Variants in CHRM2 observed in about 807,000 individuals in gnomAD.
CHRM2 encodes cholinergic receptor muscarinic 2, also known as muscarinic acetylcholine receptor M2.
A neutral mutation model predicts 25.0 loss-of-function variants in CHRM2; 8 were observed. The ratio of observed to expected loss-of-function variants is 0.32; its 90% CI spans 0.19 to 0.58. CHRM2 has a LOEUF of 0.58. Among genes scored for constraint, CHRM2 ranks in the 20% least tolerant of loss-of-function variants. The probability of loss-of-function intolerance (pLI) is 0.88; values close to 1 mark genes in which losing one functional copy is unlikely to be tolerated. For synonymous variants in CHRM2, 202 were observed against 205.7 expected (o/e 0.98, Z 0.15); for missense variants, 440 against 567.1 (o/e 0.78, Z 2.28).
intron 2 of CHRM2, among the ~76,000 whole-genome samples, chr7:136,964,342 C>A (rs1363961818): frequency 6.6e-6 from 1 of 151,872 alleles, no homozygotes; most frequent in Non-Finnish European, 1.5e-5. Flanking sequence ...TAACTTTTAC[C>A]CTCCTGCAGA....
intron 2 of CHRM2, among the ~76,000 whole-genome samples, chr7:136,874,004 A>G (rs1403941991): frequency 6.6e-6 from 1 of 152,206 alleles, no homozygotes; most frequent in Non-Finnish European, 1.5e-5. Flanking sequence ...GTAATAAAAG[A>G]TAATTTTGAT....
chr7:136,925,502 T>C (rs12536293), intron 2 of CHRM2, among the ~76,000 whole-genome samples: 36,227 of 152,014 alleles, frequency 0.24, 5,683 homozygotes, highest in Non-Finnish European at 0.35. Context: ...TTCTTTCATT[T>C]TGTCCAAAAA....
chr7:136,893,677 T>A (rs1796782471), intron 2 of CHRM2, among the ~76,000 whole-genome samples: 2 of 152,120 alleles, frequency 1.3e-5, no homozygotes, highest in Admixed American at 1.3e-4. Flanking sequence ...TAGAAGAAGG[T>A]GTTGACATTT....
chr7:136,966,984 T>C (rs1310264895), intron 2 of CHRM2, among the ~76,000 whole-genome samples: 1 of 152,022 alleles, frequency 6.6e-6, no homozygotes, highest in Non-Finnish European at 1.5e-5. Context: ...GCAAACTGTT[T>C]ACACTGATCG....
chr7:136,929,267 T>C (rs1798921647), intron 2 of CHRM2, among the ~76,000 whole-genome samples: 1 of 143,248 alleles, frequency 7.0e-6, no homozygotes, highest in Admixed American at 6.7e-5. Context: ...TTTTTTCTTT[T>C]CTTTCTTTTT....
intron 2 of CHRM2, among the ~76,000 whole-genome samples, chr7:136,909,269 T>G (rs1485017840): frequency 2.6e-5 from 4 of 152,092 alleles, no homozygotes; most frequent in Non-Finnish European, 2.9e-5. Context: ...CTCACAATCT[T>G]GTACTCACAG....
At chr7:136,976,055 C>T (rs528374298) in intron 2 of CHRM2, among the ~76,000 whole-genome samples, 1 of 152,128 alleles carries the variant, frequency 6.6e-6, no homozygotes, top group East Asian at 1.9e-4. Context: ...ATAACTAGAT[C>T]TTGAAGAATG....
rs548097473 is a variant in CHRM2, at chr7:137,017,378, A to C, written c.*1112A>C. On this transcript the variant is annotated 3_prime_UTR_variant, in exon 4 of 4. Coordinates refer to ENST00000680005, the MANE Select transcript of CHRM2 (RefSeq NM_001006630.2). ...ATGAACTCCTGACTTTCTCAGCAGA[A>C]AGGAATGCTGTTTTATTTATTTGGA... 2 of 152,088 alleles carry C rather than the reference A, an allele frequency of 1.3e-5. No individual in the cohort carries two copies. The highest frequency in any genetic ancestry group is 4.1e-4 in the South Asian group (2 of 4,826). 9.4% of individuals were successfully genotyped at this position (152,088 alleles called of 1,614,324 possible).
chr7:136,881,095 C>T (rs1421393956), intron 2 of CHRM2, among the ~76,000 whole-genome samples: 2 of 149,076 alleles, frequency 1.3e-5, no homozygotes, highest in African/African-American at 2.5e-5. Flanking sequence ...GAAGTATTTC[C>T]ACTGCCCTAA....
chr7:136,915,045 A>G (rs1798032276), intron 2 of CHRM2, among the ~76,000 whole-genome samples: 1 of 151,864 alleles, frequency 6.6e-6, no homozygotes, highest in Non-Finnish European at 1.5e-5. Flanking sequence ...GACATGTAGG[A>G]GTTTTAGATT....
chr7:136,869,224 C>T lies in CHRM2; in HGVS notation c.-282-37C>T, dbSNP rs960972701. On this transcript the variant is annotated intron_variant, in intron 1 of 3. Transcript: ENST00000680005. This position sits in a 1 kb window ranked among gnomAD's most constrained non-coding sequence, Gnocchi z 4.9. The stretch of plus-strand genomic sequence containing the variant: ...CTCTCCCGCCCCACCCCTACAGTGT[C>T]TCGGCATCAACTAATCTTTTCCTTT... The T allele has an allele frequency of 1.3e-5, 2 of 152,276 alleles. No individual in the cohort carries two copies. The allele number at this position is 152,276 out of a possible 1,614,324, so 9.4% of individuals were successfully genotyped here.
chr7:137,003,114 G>C (rs754798941), intron 3 of CHRM2, among the ~76,000 whole-genome samples: 37 of 152,094 alleles, frequency 2.4e-4, no homozygotes, highest in Non-Finnish European at 4.6e-4. Context: ...ACAGTTAACT[G>C]GGTACGAAGT....
chr7:136,986,938 A>T (rs1228688473), intron 2 of CHRM2, among the ~76,000 whole-genome samples: 1 of 152,148 alleles, frequency 6.6e-6, no homozygotes, highest in South Asian at 2.1e-4. Context: ...TTCACTTATT[A>T]ACTTATTTTT....
chr7:136,962,462 G>T (rs977065304), intron 2 of CHRM2, among the ~76,000 whole-genome samples: 1 of 152,014 alleles, frequency 6.6e-6, no homozygotes, highest in African/African-American at 2.4e-5. Flanking sequence ...AGGCCAGAAA[G>T]GATAGTAGAG....
rs1431919736 is a variant in CHRM2, at chr7:136,877,349, C to T, written c.-125+7931C>T. 2.6e-5 allele frequency among the ~76,000 whole-genome samples: 4 copies of T among 152,162 alleles called. No individual in the cohort carries two copies. The South Asian group carries it at 8.3e-4, about 32-fold the overall frequency. On this transcript the variant is annotated intron_variant, in intron 2 of 3. Transcript: ENST00000680005. The stretch of plus-strand genomic sequence containing the variant: ...GATGGGACACAGTCCCATTTGCATA[C>T]AATATGTCCTTGGAGTTAAATCAGT...
intron 2 of CHRM2, among the ~76,000 whole-genome samples, chr7:136,915,291 T>G (rs1003836074): frequency 1.3e-5 from 2 of 151,940 alleles, no homozygotes; most frequent in African/African-American, 4.8e-5. Context: ...TTATCAATCT[T>G]GGGTTCAACT....
At position 137,019,663 on chromosome 7, in the gene CHRM2, T is replaced by C. The variant is rs1442222721; in HGVS notation, c.*3397T>C. 6.6e-6 allele frequency: 1 copy of C among 151,860 alleles called. No homozygotes were observed. Among genetic ancestry groups the C allele is most frequent in the East Asian group, 1.9e-4 (1 of 5,142 alleles). 9.4% of individuals were successfully genotyped at this position (151,860 alleles called of 1,614,324 possible). A position where few individuals can be genotyped will look rare whatever the true frequency, so the allele number is the denominator to read the frequency against. On this transcript the variant is annotated 3_prime_UTR_variant, in exon 4 of 4. Coordinates refer to ENST00000680005, the MANE Select transcript of CHRM2 (RefSeq NM_001006630.2). ...ATATGGAAAAAGTCTGTTCATTTCT[T>C]CGAAACAAGAAATGATTTTCCTTTT...
intron 2 of CHRM2, among the ~76,000 whole-genome samples, chr7:136,947,150 A>G (rs549946374): frequency 2.0e-5 from 3 of 152,310 alleles, no homozygotes; most frequent in East Asian, 1.9e-4. Flanking sequence ...GGAAGGTCCT[A>G]TGTCCAAGGC....
chr7:136,913,156 T>C (rs1797933286), intron 2 of CHRM2, among the ~76,000 whole-genome samples: 1 of 152,008 alleles, frequency 6.6e-6, no homozygotes, highest in Non-Finnish European at 1.5e-5. Context: ...GAGTATTAAA[T>C]ACCTATCCAA....
Sources: gnomAD v4.1 joint callset for allele counts (sites outside exome capture counted in the v4.1 genomes callset) on GRCh38, gnomAD v4.1.1 for gene constraint, Gnocchi (gnomAD v3.1) non-coding constraint, MANE v1.5 for transcripts, NCBI Gene and HGNC (gene_info 2026-07-23, HGNC 2026-07-21) for gene names.